The following PACRG variants were observed in gnomAD, a reference collection of about 807,000 sequenced individuals.
PACRG encodes the protein parkin coregulated.
A neutral mutation model predicts 29.7 loss-of-function variants in PACRG; 29 were observed. The observed-to-expected ratio is 0.98, with a 90% CI of 0.73 to 1.33. The LOEUF (loss-of-function observed/expected upper bound fraction) is 1.33. PACRG is among the 40% of genes most tolerant of loss of function. The pLI, the probability that PACRG is intolerant of heterozygous loss-of-function variation, is 0.00. For synonymous variants in PACRG, 116 were observed against 118.7 expected (o/e 0.98, Z 0.15); for missense variants, 279 against 316.2 (o/e 0.88, Z 0.89).
At chr6:162,983,370 AT>A (rs79549878) in intron 2 of PACRG, among the ~76,000 whole-genome samples, 4 of 150,470 alleles carry the variant, frequency 2.7e-5, no homozygotes, top group Admixed American at 6.7e-5. Context: ...TAAATACCTT[AT>A]TTTTTTTTCC....
intron 2 of PACRG, among the ~76,000 whole-genome samples, chr6:162,903,735 T>G (rs868348780): frequency 1.3e-5 from 2 of 152,184 alleles, no homozygotes; most frequent in Non-Finnish European, 2.9e-5. Flanking sequence ...TATATACTTA[T>G]GACTGTCTCT....
At chr6:162,729,143 A>T (rs1779541137) in intron 1 of PACRG, among the ~76,000 whole-genome samples, 1 of 152,202 alleles carries the variant, frequency 6.6e-6, no homozygotes, top group Non-Finnish European at 1.5e-5. Flanking sequence ...ATGATAGTAT[A>T]TATTTTTTAA....
intron 3 of PACRG, among the ~76,000 whole-genome samples, chr6:163,086,175 A>G (rs1485320730): frequency 6.6e-6 from 1 of 152,192 alleles, no homozygotes; most frequent in African/African-American, 2.4e-5. Context: ...TCTCCTGGTA[A>G]CCTGAGCTTG....
At chr6:163,095,903 T>C (rs954380207) in intron 4 of PACRG, among the ~76,000 whole-genome samples, 16 of 152,290 alleles carry the variant, frequency 1.1e-4, no homozygotes, top group South Asian at 6.2e-4. Flanking sequence ...CCAGATGATA[T>C]ACCTCTTTCC....
At chr6:162,847,740 T>C (rs1004957317) in intron 2 of PACRG, among the ~76,000 whole-genome samples, 3 of 151,956 alleles carry the variant, frequency 2.0e-5, no homozygotes, top group South Asian at 2.1e-4. Flanking sequence ...GCAGCATGCA[T>C]TGCAAGATTC....
intron 4 of PACRG, among the ~76,000 whole-genome samples, chr6:163,171,118 A>G (rs893191687): frequency 1.3e-5 from 2 of 152,266 alleles, no homozygotes; most frequent in Non-Finnish European, 2.9e-5. Context: ...TTTTAAAAGC[A>G]AAGTAGAACA....
At chr6:163,025,712 G>A (rs1340273900) in intron 2 of PACRG, among the ~76,000 whole-genome samples, 2 of 152,242 alleles carry the variant, frequency 1.3e-5, no homozygotes, top group African/African-American at 4.8e-5. Flanking sequence ...GCATGGAAAA[G>A]AACCAGAAGG....
At position 162,851,768 on chromosome 6, in the gene PACRG, A is replaced by G. The variant is rs1445191681; in HGVS notation, c.291+37487A>G. On this transcript the variant is annotated intron_variant, in intron 2 of 4. Coordinates refer to ENST00000366888, the MANE Select transcript of PACRG (RefSeq NM_001080379.2). ...TGATTATTATATGATATGTAAATTA[A>G]TTTAAACATTAAAAAATTTCCCATA... 2.0e-5 allele frequency among the ~76,000 whole-genome samples: 3 copies of G among 152,242 alleles called. No homozygotes were observed. In the East Asian group the frequency reaches 5.8e-4, roughly 29 times the overall value.
At position 163,314,950 on chromosome 6, in the gene PACRG, A is replaced by G; in HGVS notation, c.737A>G (p.Tyr246Cys). Reference sequence around the variant, plus strand: ...GAAAATGCCTTTATCAACATTAAGTACGTGGTCCCAACCTACGAGTCTTGC... The same window carrying G: ...GAAAATGCCTTTATCAACATTAAGTGCGTGGTCCCAACCTACGAGTCTTGC... Reference protein sequence around the residue: ...GGENAFINIKYVVPTYESCLL... With the variant: ...GGENAFINIKCVVPTYESCLL... The change falls in exon 5 of 5, where the codon TAC (tyrosine) becomes TGC (cysteine). Residue 246 changes from tyrosine (Y) to cysteine (C), a missense_variant. Transcript: ENST00000366888. 3 of 1,614,182 alleles carry G rather than the reference A, an allele frequency of 1.9e-6. No individual in the cohort carries two copies. The highest frequency in any genetic ancestry group is 2.5e-6 in the Non-Finnish European group (3 of 1,180,020).
At chr6:162,753,150 A>G (rs1447766065) in intron 1 of PACRG, among the ~76,000 whole-genome samples, 1 of 152,122 alleles carries the variant, frequency 6.6e-6, no homozygotes, top group East Asian at 1.9e-4. Context: ...ATAACACATT[A>G]TTATTGATTA....
intron 1 of PACRG, among the ~76,000 whole-genome samples, chr6:162,809,409 AT>A (rs941222974): frequency 3.5e-4 from 53 of 152,324 alleles, no homozygotes; most frequent in Admixed American, 9.8e-4. Context: ...ACCATGGATT[AT>A]TTTGTAAAGT....
At chr6:163,106,083 C>T (rs561535932) in intron 4 of PACRG, among the ~76,000 whole-genome samples, 1 of 152,088 alleles carries the variant, frequency 6.6e-6, no homozygotes, top group South Asian at 2.1e-4. Flanking sequence ...TCATTTAATC[C>T]TCACAAACCC....
At chr6:162,947,285 C>T (rs1156447492) in intron 2 of PACRG, among the ~76,000 whole-genome samples, 7 of 37,330 alleles carry the variant, frequency 1.9e-4, no homozygotes, top group African/African-American at 7.1e-4. Context: ...CATATATAAT[C>T]ATACATATAA....
At chr6:162,924,145 A>G (rs1797256921) in intron 2 of PACRG, among the ~76,000 whole-genome samples, 1 of 151,972 alleles carries the variant, frequency 6.6e-6, no homozygotes, top group East Asian at 1.9e-4. Context: ...ATTTTTGTAT[A>G]ACTATTGTAA....
intron 4 of PACRG, among the ~76,000 whole-genome samples, chr6:163,238,931 T>C (rs1209732923): frequency 6.6e-6 from 1 of 152,202 alleles, no homozygotes; most frequent in Non-Finnish European, 1.5e-5. Flanking sequence ...TAATCACCCA[T>C]GTTGTTTTGC....
intron 1 of PACRG, among the ~76,000 whole-genome samples, chr6:162,797,807 T>C (rs1178130176): frequency 6.6e-6 from 1 of 152,152 alleles, no homozygotes; most frequent in Non-Finnish European, 1.5e-5. Context: ...TTTTCCCTTT[T>C]ACTTCTTCCA....
intron 4 of PACRG, among the ~76,000 whole-genome samples, chr6:163,094,035 A>G (rs1585198760): frequency 6.6e-6 from 1 of 152,184 alleles, no homozygotes; most frequent in Non-Finnish European, 1.5e-5. Context: ...CTTGTAAGTC[A>G]ACCTGATTCA....
intron 4 of PACRG, among the ~76,000 whole-genome samples, chr6:163,129,676 C>T (rs567155294): frequency 1.3e-5 from 2 of 152,258 alleles, no homozygotes; most frequent in South Asian, 2.1e-4. Flanking sequence ...CACAGGGCAG[C>T]GTGGCAGTGG....
chr6:162,860,566 CTAT>C (rs1791777862), intron 2 of PACRG, among the ~76,000 whole-genome samples: 1 of 152,088 alleles, frequency 6.6e-6, no homozygotes, highest in Non-Finnish European at 1.5e-5. Flanking sequence ...ATCATTGTGG[CTAT>C]TATTTTATCT....
Sources: allele counts gnomAD v4.1 joint callset (sites outside exome capture counted in the v4.1 genomes callset), GRCh38; gene constraint gnomAD v4.1.1; transcripts MANE v1.5; gene names NCBI Gene and HGNC (gene_info 2026-07-23, HGNC 2026-07-21).